Variants in ABCA4 observed in about 807,000 individuals in gnomAD.
ABCA4 encodes the protein retinal-specific phospholipid-transporting ATPase ABCA4.
Under a neutral mutation model 263.7 loss-of-function variants are expected in ABCA4, and 196 were observed. The ratio of observed to expected loss-of-function variants is 0.74; its 90% CI spans 0.66 to 0.84. The LOEUF (loss-of-function observed/expected upper bound fraction) is 0.84, where lower values mean the gene tolerates loss of function less well. Ranked by LOEUF, ABCA4 falls within the 40% of genes least tolerant of loss-of-function variation. The probability of loss-of-function intolerance (pLI) is 0.00; values close to 1 mark genes in which losing one functional copy is unlikely to be tolerated. For missense variants in ABCA4, 2,792 were observed against 2,855.1 expected (o/e 0.98, Z 0.50); for synonymous variants, 1,133 against 1,094.2 (o/e 1.04, Z -0.70).
rs902991764 is a variant in ABCA4, at chr1:94,044,526, G to A, written c.3050+87C>T. ...GTATCTCTGCCTGTGCCCAGGCCTG[G>A]CACCCCTGAGCTGGGCTCTAGAGAA... On this transcript the variant is annotated intron_variant, in intron 20 of 49. Coordinates refer to ENST00000370225, the MANE Select transcript of ABCA4 (RefSeq NM_000350.3). 3.7e-6 allele frequency: 6 copies of A among 1,600,778 alleles called. No homozygotes were observed. The African/African-American group carries it at 8.0e-5, about 21-fold the overall frequency.
At chr1:93,993,811 T>C (rs1322029095) in intron 49 of ABCA4, among the ~76,000 whole-genome samples, 2 of 152,090 alleles carry the variant, frequency 1.3e-5, no homozygotes, top group Admixed American at 1.3e-4. Context: ...GGTGACCTTT[T>C]TAACTGGAGA....
At position 94,008,855 on chromosome 1, in the gene ABCA4, T is replaced by C; in HGVS notation, c.5731A>G (p.Lys1911Glu). 1 of 1,613,214 alleles carries C rather than the reference T, an allele frequency of 6.2e-7. No homozygotes were observed. Reference protein sequence around the residue: ...FLSQWIAEPTKEPIVDEDDDV... With the variant: ...FLSQWIAEPTEEPIVDEDDDV... ...TCATCTTCATCAACAATGGGCTCCT[T>C]AGTGGGCTCGGCAATCCTAGATGAA... Residue 1911 changes from lysine (K) to glutamate (E), a missense_variant, in exon 41 of 50, where the codon AAG becomes GAG. Physicochemically the swap from Lys to Glu is moderately conservative, Grantham distance 56. Coordinates refer to ENST00000370225, the MANE Select transcript of ABCA4 (RefSeq NM_000350.3).
intron 3 of ABCA4, among the ~76,000 whole-genome samples, chr1:94,110,739 G>A (rs1414481731): frequency 1.3e-5 from 2 of 152,166 alleles, no homozygotes; most frequent in Non-Finnish European, 2.9e-5. Flanking sequence ...CTACTAACCT[G>A]GCATCTACAA....
At chr1:94,068,214 CT>C (rs1425753081) in intron 11 of ABCA4, among the ~76,000 whole-genome samples, 2 of 152,228 alleles carry the variant, frequency 1.3e-5, no homozygotes, top group Non-Finnish European at 2.9e-5. Flanking sequence ...CACACTGATG[CT>C]TGCTAGCTGC....
intron 31 of ABCA4, among the ~76,000 whole-genome samples, chr1:94,024,311 G>A (rs1036473076): frequency 1.3e-5 from 2 of 152,122 alleles, no homozygotes; most frequent in Non-Finnish European, 2.9e-5. Context: ...TCTGATACGG[G>A]CTGCCAAAGC....
chr1:94,015,013 T>C (rs962159336), intron 37 of ABCA4, among the ~76,000 whole-genome samples: 2 of 152,144 alleles, frequency 1.3e-5, no homozygotes, highest in African/African-American at 4.8e-5. Flanking sequence ...CTAGCCTGGG[T>C]CAGCAAAGCC....
chr1:94,046,784 T>C, intron 19 of ABCA4, 135 bp downstream of exon 19: 1 of 1,087,104 alleles, frequency 9.2e-7, no homozygotes, highest in Non-Finnish European at 1.4e-6. Flanking sequence ...TGCAGAAAGC[T>C]TTTACACATT....
intron 1 of ABCA4, among the ~76,000 whole-genome samples, chr1:94,114,776 C>T (rs181797841): frequency 8.3e-4 from 126 of 152,324 alleles, no homozygotes; most frequent in African/African-American, 2.5e-3. Flanking sequence ...CGTGAGCCAC[C>T]GCGCCTGGCC....
At chr1:94,105,042 G>A (rs1016540657) in intron 4 of ABCA4, among the ~76,000 whole-genome samples, 11 of 152,082 alleles carry the variant, frequency 7.2e-5, no homozygotes, top group African/African-American at 2.7e-4. Flanking sequence ...TACACACATG[G>A]GAGATCTCTT....
intron 24 of ABCA4, 25 bp downstream of exon 24, chr1:94,040,018 C>T (rs756952108): frequency 1.3e-6 from 2 of 1,577,032 alleles, no homozygotes; most frequent in Non-Finnish European, 1.7e-6. Flanking sequence ...AGACGGAACC[C>T]AAGTATGGCC....
chr1:94,009,085 A>G (rs1659478750), intron 40 of ABCA4, among the ~76,000 whole-genome samples: 1 of 152,090 alleles, frequency 6.6e-6, no homozygotes, highest in Non-Finnish European at 1.5e-5. Flanking sequence ...CTTGGGTTCC[A>G]GTCCTGGCCT....
chr1:94,066,349 A>T (rs1570396757), intron 11 of ABCA4, among the ~76,000 whole-genome samples: 2 of 152,260 alleles, frequency 1.3e-5, no homozygotes, highest in African/African-American at 4.8e-5. Flanking sequence ...TGTTGTACAA[A>T]GATAAGTAGT....
intron 5 of ABCA4, among the ~76,000 whole-genome samples, chr1:94,100,369 C>G (rs1243084607): frequency 6.6e-6 from 1 of 152,182 alleles, no homozygotes; most frequent in Non-Finnish European, 1.5e-5. Flanking sequence ...AACTGCCATG[C>G]TGGTAGGCAC....
intron 26 of ABCA4, among the ~76,000 whole-genome samples, chr1:94,035,571 C>T (rs964780098): frequency 3.3e-5 from 5 of 152,078 alleles, no homozygotes; most frequent in Admixed American, 2.0e-4. Flanking sequence ...AGAGCTGATT[C>T]CAGAATCCAC....
At chr1:94,080,425 T>C (rs984847295) in intron 8 of ABCA4, 53 bp downstream of exon 8, 1 of 1,611,858 alleles carries the variant, frequency 6.2e-7, no homozygotes, top group East Asian at 2.2e-5. Flanking sequence ...TGTTAAACCA[T>C]CAACTTAACC....
chr1:94,068,372 G>A (rs1204915411), intron 11 of ABCA4, among the ~76,000 whole-genome samples: 1 of 152,162 alleles, frequency 6.6e-6, no homozygotes, highest in South Asian at 2.1e-4. Context: ...GAAGTTCCTG[G>A]GTCACCCTCT....
chr1:94,000,900 G>GGGT lies in ABCA4; in HGVS notation c.6412_6414dup (p.Thr2138dup). 1 of 1,614,186 alleles carries GGGT rather than the reference G, an allele frequency of 6.2e-7. No homozygotes were observed. On this transcript the variant is annotated inframe_insertion, in exon 47 of 50. Transcript: ENST00000370225. Reference sequence around the variant, plus strand: ...GCGCCCTTTACCATGATGGCCAGCCGGGTACACAGTGCCTCACATTCTTCC... The same window carrying GGGT: ...GCGCCCTTTACCATGATGGCCAGCCGGGTGGTACACAGTGCCTCACATTCTTCC...
intron 47 of ABCA4, 53 bp from the exon 48 acceptor site, chr1:93,998,163 G>A (rs1174282703): frequency 8.7e-6 from 14 of 1,612,896 alleles, no homozygotes; most frequent in Non-Finnish European, 1.1e-5. Flanking sequence ...TGGGCCTAAG[G>A]TAATCCCAAA....
chr1:94,102,697 G>A (rs750095686), intron 5 of ABCA4, among the ~76,000 whole-genome samples: 2 of 152,116 alleles, frequency 1.3e-5, no homozygotes, highest in Non-Finnish European at 2.9e-5. Context: ...CTAAATATTT[G>A]AGTAATAAAT....
Sources: gnomAD v4.1 joint callset for allele counts (sites outside exome capture counted in the v4.1 genomes callset) on GRCh38, gnomAD v4.1.1 for gene constraint, MANE v1.5 for transcripts, NCBI Gene and HGNC (gene_info 2026-07-23, HGNC 2026-07-21) for gene names.